Variants in SLC44A5 observed in about 807,000 individuals in gnomAD.
SLC44A5 encodes the protein choline transporter-like protein 5.
Under a neutral mutation model 101.8 loss-of-function variants are expected in SLC44A5, and 57 were observed. The ratio of observed to expected loss-of-function variants is 0.56; its 90% confidence interval spans 0.45 to 0.70. SLC44A5 has a LOEUF of 0.70. Ranked by LOEUF, SLC44A5 falls within the 30% of genes least tolerant of loss-of-function variation. The probability of loss-of-function intolerance (pLI) is 0.00; values close to 1 mark genes in which losing one functional copy is unlikely to be tolerated. For missense variants in SLC44A5, 737 were observed against 853.1 expected, an observed-to-expected ratio of 0.86 and a Z score of 1.70; for synonymous variants, 281 against 290.9, an observed-to-expected ratio of 0.97 and a Z score of 0.35.
chr1:75,639,918 C>A, the SLC44A5 span, among the ~76,000 whole-genome samples: 1 of 151,926 alleles, frequency 6.6e-6, no homozygotes, highest in African/African-American at 2.4e-5. Context: ...CTTGTCACAT[C>A]TGCTTGATTT....
intron 6 of SLC44A5, 65 bp downstream of exon 6, chr1:75,274,892 TA>T: frequency 2.4e-6 from 3 of 1,273,540 alleles, no homozygotes; most frequent in Non-Finnish European, 3.4e-6. Context: ...AGGATTACTG[TA>T]AAAGTGATAT....
intron 3 of SLC44A5, among the ~76,000 whole-genome samples, chr1:75,364,873 G>C (rs1361417394): frequency 6.6e-5 from 10 of 151,756 alleles, no homozygotes; most frequent in Admixed American, 6.6e-4. Context: ...TGCTACTGAA[G>C]TTTTCTACTA....
chr1:75,719,968 TG>T, the SLC44A5 span, among the ~76,000 whole-genome samples: 2 of 152,334 alleles, frequency 1.3e-5, no homozygotes, highest in Admixed American at 1.3e-4. Context: ...CCACCTAGGA[TG>T]TTAATCCACC....
intron 1 of SLC44A5, among the ~76,000 whole-genome samples, chr1:75,581,218 C>A (rs889372436): frequency 1.1e-4 from 17 of 152,154 alleles, no homozygotes; most frequent in African/African-American, 3.9e-4. Context: ...CATTAGTAGA[C>A]AAAATCTTAA....
intron 2 of SLC44A5, among the ~76,000 whole-genome samples, chr1:75,438,866 A>T (rs1665033580): frequency 6.6e-6 from 1 of 152,198 alleles, no homozygotes; most frequent in African/African-American, 2.4e-5. Flanking sequence ...GATCTCTTCA[A>T]AGACTTCAGA....
At chr1:75,237,228 A>G (rs1648171226) in intron 10 of SLC44A5, among the ~76,000 whole-genome samples, 158 bp from the exon 11 acceptor site, 1 of 152,126 alleles carries the variant, frequency 6.6e-6, no homozygotes, top group Non-Finnish European at 1.5e-5. Flanking sequence ...AATAATACAT[A>G]AAATGTCACT....
intron 2 of SLC44A5, among the ~76,000 whole-genome samples, chr1:75,489,984 G>T (rs939520672): frequency 4.0e-5 from 6 of 151,640 alleles, no homozygotes; most frequent in Non-Finnish European, 5.9e-5. Flanking sequence ...TCTCCAATAA[G>T]GACACTAAAA....
chr1:75,276,691 T>C (rs1651951042), intron 5 of SLC44A5, among the ~76,000 whole-genome samples: 1 of 152,234 alleles, frequency 6.6e-6, no homozygotes, highest in Admixed American at 6.5e-5. Flanking sequence ...AGTTCTTGTC[T>C]TATTTGGGTT....
chr1:75,245,995 G>T (rs1308867315), intron 7 of SLC44A5, among the ~76,000 whole-genome samples: 1 of 152,070 alleles, frequency 6.6e-6, no homozygotes, highest in African/African-American at 2.4e-5. Context: ...ATAGAAATAT[G>T]GCTCAGATCA....
intron 1 of SLC44A5, among the ~76,000 whole-genome samples, chr1:75,603,010 G>A (rs1348917421): frequency 6.6e-6 from 1 of 151,640 alleles, no homozygotes; most frequent in African/African-American, 2.4e-5. Flanking sequence ...AGATTCAGGG[G>A]GTACATATAC....
chr1:75,324,578 G>A (rs1282977571), intron 4 of SLC44A5, among the ~76,000 whole-genome samples: 2 of 152,152 alleles, frequency 1.3e-5, no homozygotes, highest in East Asian at 3.9e-4. Context: ...TATTACACAA[G>A]TGCATGCGTA....
At chr1:75,593,846 G>A (rs1278016072) in intron 1 of SLC44A5, among the ~76,000 whole-genome samples, 5 of 151,974 alleles carry the variant, frequency 3.3e-5, no homozygotes, top group Admixed American at 6.6e-5. Context: ...AGGGTAGTCA[G>A]GGGATGGAGG....
intron 2 of SLC44A5, among the ~76,000 whole-genome samples, chr1:75,493,464 A>G (rs1250465303): frequency 6.6e-6 from 1 of 152,214 alleles, no homozygotes; most frequent in Non-Finnish European, 1.5e-5. Flanking sequence ...CAGAATTGCA[A>G]GAAGAAATAG....
chr1:75,344,046 C>T (rs1038667339), intron 3 of SLC44A5, among the ~76,000 whole-genome samples: 1 of 152,022 alleles, frequency 6.6e-6, no homozygotes, highest in Non-Finnish European at 1.5e-5. Flanking sequence ...TATGGTTCCC[C>T]CCTTTTCATA....
chr1:75,206,796 C>T (rs1646757285), intron 23 of SLC44A5: 11 of 820,640 alleles, frequency 1.3e-5, no homozygotes, highest in South Asian at 1.3e-4. Context: ...ATTGGAGGGT[C>T]GAACAGGGAA....
intron 1 of SLC44A5, among the ~76,000 whole-genome samples, chr1:75,593,284 G>C (rs969237309): frequency 6.6e-6 from 1 of 152,044 alleles, no homozygotes; most frequent in Non-Finnish European, 1.5e-5. Flanking sequence ...ACTAAAATGA[G>C]ATATCATCTC....
At position 75,481,479 on chromosome 1, in the gene SLC44A5, G is replaced by T. The variant is rs541857957; in HGVS notation, c.13+59956C>A. ...AGACTGAACAGGCAACCTACAAAATGGGAGAAAATTTTCACAACCTACTCA... is the reference window on the plus strand; with the variant it reads ...AGACTGAACAGGCAACCTACAAAATTGGAGAAAATTTTCACAACCTACTCA... On this transcript the variant is annotated intron_variant, in intron 2 of 23. Transcript: ENST00000370859. Among the ~76,000 whole-genome samples the T allele has an allele frequency of 3.9e-5, 6 of 151,944 alleles. No individual in the cohort carries two copies. The East Asian group carries it at 1.2e-3, about 30-fold the overall frequency.
intron 1 of SLC44A5, among the ~76,000 whole-genome samples, chr1:75,605,381 T>A (rs1675263792): frequency 1.3e-5 from 2 of 151,702 alleles, no homozygotes; most frequent in Non-Finnish European, 1.5e-5. Flanking sequence ...AAAATAAAAA[T>A]AAATAAATAA....
chr1:75,276,150 C>T (rs543900964), intron 5 of SLC44A5, among the ~76,000 whole-genome samples: 201 of 152,282 alleles, frequency 1.3e-3, no homozygotes, highest in African/African-American at 4.4e-3. Flanking sequence ...CTAATTCTTT[C>T]TCCAATGTCA....
Sources: allele counts gnomAD v4.1 joint callset (sites outside exome capture counted in the v4.1 genomes callset), GRCh38; gene constraint gnomAD v4.1.1; transcripts MANE v1.5; gene names NCBI Gene and HGNC (gene_info 2026-07-23, HGNC 2026-07-21).